UNC5D: variants seen among roughly 807,000 people sequenced by gnomAD.
UNC5D encodes the protein unc-5 netrin receptor D, also known as netrin receptor UNC5D.
A neutral mutation model predicts 105.4 loss-of-function variants in UNC5D; 39 were observed. The ratio of observed to expected loss-of-function variants is 0.37; its 90% CI spans 0.29 to 0.48. UNC5D has a LOEUF of 0.48. Ranked by LOEUF, UNC5D falls within the 20% of genes least tolerant of loss-of-function variation. The probability of loss-of-function intolerance (pLI) is 0.98; values close to 1 mark genes in which losing one functional copy is unlikely to be tolerated. For synonymous variants in UNC5D, 452 were observed against 450.4 expected, an observed-to-expected ratio of 1.00 and a Z score of -0.04; for missense variants, 991 against 1,202.4, an observed-to-expected ratio of 0.82 and a Z score of 2.60.
chr8:35,641,372 A>G (rs1822715375), intron 4 of UNC5D, among the ~76,000 whole-genome samples: 1 of 150,286 alleles, frequency 6.7e-6, no homozygotes, highest in African/African-American at 2.4e-5. Flanking sequence ...AAAGCAAAAA[A>G]AAAAAAAAAA....
intron 1 of UNC5D, among the ~76,000 whole-genome samples, chr8:35,348,141 A>G (rs1346113659): frequency 1.3e-5 from 2 of 151,944 alleles, no homozygotes; most frequent in Non-Finnish European, 2.9e-5. Context: ...TTGGTAGCTT[A>G]GTGTCCACTC....
chr8:35,369,304 T>C (rs1204878893), intron 1 of UNC5D, among the ~76,000 whole-genome samples: 2 of 152,192 alleles, frequency 1.3e-5, no homozygotes, highest in Admixed American at 1.3e-4. Flanking sequence ...AATTGAACTA[T>C]ACTTTGAATT....
chr8:35,617,301 T>C (rs2131010593), intron 4 of UNC5D, among the ~76,000 whole-genome samples: 1 of 152,324 alleles, frequency 6.6e-6, no homozygotes, highest in Admixed American at 6.5e-5. Flanking sequence ...AAGGTGCACT[T>C]GCCCCCACCC....
chr8:35,757,127 C>T (rs561288543), intron 13 of UNC5D, among the ~76,000 whole-genome samples: 7 of 151,974 alleles, frequency 4.6e-5, no homozygotes, highest in African/African-American at 1.7e-4. Flanking sequence ...ATAATTTGCC[C>T]AAGACCACAC....
At chr8:35,588,401 A>G (rs924893539) in intron 3 of UNC5D, among the ~76,000 whole-genome samples, 4 of 152,158 alleles carry the variant, frequency 2.6e-5, no homozygotes, top group African/African-American at 9.7e-5. Flanking sequence ...GATTGAGACT[A>G]TAAATGGCAC....
At chr8:35,288,878 C>G (rs1806821228) in intron 1 of UNC5D, among the ~76,000 whole-genome samples, 1 of 151,692 alleles carries the variant, frequency 6.6e-6, no homozygotes, top group Non-Finnish European at 1.5e-5. Flanking sequence ...AGAAAGAATT[C>G]AAAGCATATC....
intron 1 of UNC5D, among the ~76,000 whole-genome samples, chr8:35,248,884 T>C (rs1394517139): frequency 1.2e-4 from 11 of 90,780 alleles, no homozygotes; most frequent in African/African-American, 4.6e-4. Flanking sequence ...ATATATAATA[T>C]ATTATATAAA....
chr8:35,527,049 A>T (rs1310106662), intron 1 of UNC5D, among the ~76,000 whole-genome samples: 1 of 152,158 alleles, frequency 6.6e-6, no homozygotes, highest in African/African-American at 2.4e-5. Context: ...AAGATTTTTT[A>T]AAAAATGACA....
At chr8:35,776,637 T>C (rs182043474) in intron 16 of UNC5D, among the ~76,000 whole-genome samples, 209 of 152,342 alleles carry the variant, frequency 1.4e-3, no homozygotes, top group African/African-American at 4.9e-3. Context: ...TGTTTTTGTT[T>C]TTCTTTAAGA....
At chr8:35,679,475 C>T (rs901882583) in intron 4 of UNC5D, among the ~76,000 whole-genome samples, 2 of 152,112 alleles carry the variant, frequency 1.3e-5, no homozygotes, top group African/African-American at 4.8e-5. Flanking sequence ...GAGGTTGGAA[C>T]TTGCTTTGAA....
At chr8:35,668,148 A>G (rs940491077) in intron 4 of UNC5D, among the ~76,000 whole-genome samples, 2 of 152,112 alleles carry the variant, frequency 1.3e-5, no homozygotes, top group Admixed American at 6.6e-5. Context: ...TCATTTTCAT[A>G]TTCATTATTG....
At chr8:35,668,026 G>A (rs1012211337) in intron 4 of UNC5D, among the ~76,000 whole-genome samples, 18 of 152,046 alleles carry the variant, frequency 1.2e-4, no homozygotes, top group African/African-American at 3.4e-4. Flanking sequence ...TGTTAAGATT[G>A]TTCTACACAA....
At chr8:35,789,332 TGAAAAACTAAA>T (rs1802920923) in intron 16 of UNC5D, among the ~76,000 whole-genome samples, 1 of 150,930 alleles carries the variant, frequency 6.6e-6, no homozygotes, top group Non-Finnish European at 1.5e-5. Flanking sequence ...ATTCGAGTTT[TGAAAAACTAAA>T]GATTTTGCTG....
intron 1 of UNC5D, among the ~76,000 whole-genome samples, chr8:35,327,453 T>C (rs1302369776): frequency 1.3e-5 from 2 of 152,170 alleles, no homozygotes; most frequent in East Asian, 3.9e-4. Context: ...AAGAGAATTC[T>C]CAACTTACGG....
intron 1 of UNC5D, among the ~76,000 whole-genome samples, chr8:35,545,334 T>G (rs1815576198): frequency 6.6e-6 from 1 of 152,194 alleles, no homozygotes; most frequent in Non-Finnish European, 1.5e-5. Context: ...ATCCTTCCCT[T>G]TTACTGAAAG....
intron 1 of UNC5D, among the ~76,000 whole-genome samples, chr8:35,509,909 AC>A (rs1392719313): frequency 1.3e-5 from 2 of 152,140 alleles, no homozygotes; most frequent in African/African-American, 4.8e-5. Flanking sequence ...GCTTAAGGAA[AC>A]CCTTACTTAG....
rs536277537 is a variant in UNC5D, at chr8:35,418,891, G to A, written c.104-130401G>A. On this transcript the variant is annotated intron_variant, in intron 1 of 16. Transcript: ENST00000404895. Reference sequence around the variant, plus strand: ...GTTTTCAAGGTTGGAAGGAAGAAGTGGTAGACGTGGATATTTTAATGCTTA... The same window carrying A: ...GTTTTCAAGGTTGGAAGGAAGAAGTAGTAGACGTGGATATTTTAATGCTTA... Among the ~76,000 whole-genome samples, 5 of 152,310 alleles carry A rather than the reference G, an allele frequency of 3.3e-5. No homozygotes were observed. The East Asian group carries it at 7.7e-4, about 24-fold the overall frequency.
chr8:35,445,153 T>G (rs116249985), intron 1 of UNC5D, among the ~76,000 whole-genome samples: 3,470 of 152,052 alleles, frequency 0.023, 133 homozygotes, highest in African/African-American at 0.078. Flanking sequence ...CTGTCTCTCA[T>G]GCCAGCCCCC....
rs552419713 is a variant in UNC5D at position 35,640,613 on chromosome 8, A to T, written c.571-42934A>T. Among the ~76,000 whole-genome samples the T allele has an allele frequency of 4.0e-4, 61 of 152,276 alleles. 1 individual carries two copies. Among genetic ancestry groups the T allele is most frequent in the Admixed American group, 2.2e-3 (34 of 15,288 alleles). On this transcript the variant is annotated intron_variant, in intron 4 of 16. Transcript: ENST00000404895. The stretch of plus-strand genomic sequence containing the variant: ...ATTACAGTCCTGCCTTGAGAAAGGT[A>T]ATCTAGCAGGATGACGCAGTGGAAG...
Sources: gnomAD v4.1 joint callset for allele counts (sites outside exome capture counted in the v4.1 genomes callset) on GRCh38, gnomAD v4.1.1 for gene constraint, MANE v1.5 for transcripts, NCBI Gene and HGNC (gene_info 2026-07-23, HGNC 2026-07-21) for gene names.